The following CPNE8 variants were observed in gnomAD, a reference collection of about 807,000 sequenced individuals.
CPNE8 encodes the protein copine-8.
In CPNE8, 45 loss-of-function variants were observed where a neutral mutation model predicts 81.5. That is an observed-to-expected ratio of 0.55 (90% CI 0.44 to 0.71). CPNE8 has a LOEUF of 0.71. CPNE8 is among the 30% of genes least tolerant of loss of function. The pLI, the probability that CPNE8 is intolerant of heterozygous loss-of-function variation, is 0.00. For missense variants in CPNE8, 594 were observed against 672.1 expected (o/e 0.88, Z 1.28); for synonymous variants, 252 against 226.3 (o/e 1.11, Z -1.02).
intron 3 of CPNE8, among the ~76,000 whole-genome samples, chr12:38,856,716 A>G (rs989851773): frequency 6.6e-6 from 1 of 151,596 alleles, no homozygotes; most frequent in African/African-American, 2.4e-5. Flanking sequence ...AATAGGCTGG[A>G]CATTGTTCTG....
chr12:38,709,638 C>A (rs1307648484), intron 13 of CPNE8, among the ~76,000 whole-genome samples: 1 of 152,110 alleles, frequency 6.6e-6, no homozygotes, highest in Non-Finnish European at 1.5e-5. Context: ...ATTATTGATA[C>A]TAGTTTTTCA....
At chr12:38,793,037 C>A (rs769521689) in intron 6 of CPNE8, among the ~76,000 whole-genome samples, 118 of 151,754 alleles carry the variant, frequency 7.8e-4, no homozygotes, top group Middle Eastern at 3.4e-3. Context: ...TTCCAGTAGC[C>A]TTTTATGATA....
At chr12:38,667,680 C>A (rs1255829807) in intron 19 of CPNE8, among the ~76,000 whole-genome samples, 1 of 152,182 alleles carries the variant, frequency 6.6e-6, no homozygotes, top group Non-Finnish European at 1.5e-5. Flanking sequence ...CTCTTCAGTT[C>A]AACTTTACAT....
chr12:38,764,851 T>C (rs1309470703), intron 8 of CPNE8, among the ~76,000 whole-genome samples: 1 of 151,808 alleles, frequency 6.6e-6, no homozygotes, highest in East Asian at 1.9e-4. Context: ...GATATCTAGA[T>C]AGATGACAGG....
chr12:38,839,066 G>A (rs1943427904), intron 5 of CPNE8, among the ~76,000 whole-genome samples: 1 of 152,044 alleles, frequency 6.6e-6, no homozygotes, highest in South Asian at 2.1e-4. Context: ...TCCTAACTCT[G>A]ACACAACTGC....
intron 16 of CPNE8, among the ~76,000 whole-genome samples, chr12:38,685,167 T>C (rs1939505424): frequency 6.6e-6 from 1 of 152,238 alleles, no homozygotes; most frequent in Non-Finnish European, 1.5e-5. Context: ...ATAAGAATGA[T>C]TTACACAGTT....
At chr12:38,657,319 G>T (rs1295859861) in intron 19 of CPNE8, among the ~76,000 whole-genome samples, 1 of 152,232 alleles carries the variant, frequency 6.6e-6, no homozygotes, top group South Asian at 2.1e-4. Context: ...GCAGCCTGGT[G>T]GGGGGAGGGG....
rs141184823 is a variant in CPNE8 at position 38,776,649 on chromosome 12, C to T, written c.408-348G>A. 1.9e-4 allele frequency among the ~76,000 whole-genome samples: 29 copies of T among 151,974 alleles called. No individual in the cohort carries two copies. In the East Asian group the frequency reaches 4.4e-3, roughly 23 times the overall value. ...ACTTTCAACATAACTTTAAACATGT[C>T]GATCCTCTCCTCAAGAATCTTCAAT... On this transcript the variant is annotated intron_variant, in intron 6 of 19. Coordinates refer to ENST00000331366, the MANE Select transcript of CPNE8 (RefSeq NM_153634.3).
chr12:38,675,635 A>G, intron 18 of CPNE8, 82 bp downstream of exon 18: 2 of 887,546 alleles, frequency 2.3e-6, no homozygotes, highest in Non-Finnish European at 3.7e-6. Context: ...TTCTAAAGAG[A>G]CAAGAATGGC....
intron 3 of CPNE8, among the ~76,000 whole-genome samples, chr12:38,860,750 G>A (rs1943819181): frequency 6.6e-6 from 1 of 152,046 alleles, no homozygotes; most frequent in South Asian, 2.1e-4. Flanking sequence ...AGACACAGAA[G>A]GACAGATACT....
intron 3 of CPNE8, among the ~76,000 whole-genome samples, chr12:38,855,284 T>C (rs1049717909): frequency 4.6e-5 from 7 of 151,948 alleles, no homozygotes; most frequent in Admixed American, 2.0e-4. Context: ...GGACTGAAAA[T>C]TGAATATAGC....
At chr12:38,840,289 G>A (rs1943447033) in intron 4 of CPNE8, among the ~76,000 whole-genome samples, 1 of 152,072 alleles carries the variant, frequency 6.6e-6, no homozygotes, top group African/African-American at 2.4e-5. Flanking sequence ...TCCCAGTACT[G>A]TGCAACTTAC....
intron 5 of CPNE8, among the ~76,000 whole-genome samples, chr12:38,830,376 C>T (rs1374368808): frequency 6.6e-6 from 1 of 152,094 alleles, no homozygotes; most frequent in Admixed American, 6.6e-5. Context: ...CCAAGACAAA[C>T]TCTGATGTTC....
chr12:38,762,299 C>T (rs1941590093), intron 8 of CPNE8, 83 bp from the exon 9 acceptor site: 4 of 679,064 alleles, frequency 5.9e-6, no homozygotes, highest in South Asian at 5.5e-5. Flanking sequence ...CCTCTGCTTA[C>T]TTTTTGTTCA....
chr12:38,787,972 GAAAAA>G (rs35455026), intron 6 of CPNE8, among the ~76,000 whole-genome samples: 1 of 93,822 alleles, frequency 1.1e-5, no homozygotes, highest in Admixed American at 1.2e-4. Context: ...AAGTCTCCCA[GAAAAA>G]AAAAAAAAAA....
chr12:38,878,677 C>T (rs991971191), intron 1 of CPNE8, among the ~76,000 whole-genome samples: 18 of 152,128 alleles, frequency 1.2e-4, no homozygotes, highest in African/African-American at 4.3e-4. Flanking sequence ...ATTCTGAGAC[C>T]CACACTGAAC....
At chr12:38,842,699 CAG>C (rs1943493037) in intron 4 of CPNE8, among the ~76,000 whole-genome samples, 1 of 151,494 alleles carries the variant, frequency 6.6e-6, no homozygotes, top group African/African-American at 2.4e-5. Flanking sequence ...CCTCAGCCTC[CAG>C]AGTCACTGGG....
intron 3 of CPNE8, among the ~76,000 whole-genome samples, chr12:38,851,004 C>T (rs78071188): frequency 0.055 from 8,421 of 152,274 alleles, 762 homozygotes; most frequent in African/African-American, 0.19. Context: ...ATGAAAGAGG[C>T]TTCATACAGC....
intron 1 of CPNE8, among the ~76,000 whole-genome samples, chr12:38,879,558 A>T (rs2137118441): frequency 6.6e-6 from 1 of 152,262 alleles, no homozygotes; most frequent in South Asian, 2.1e-4. Flanking sequence ...GCAAAACATG[A>T]TGTATTTAAA....
Sources: allele counts gnomAD v4.1 joint callset (sites outside exome capture counted in the v4.1 genomes callset), GRCh38; gene constraint gnomAD v4.1.1; transcripts MANE v1.5; gene names NCBI Gene and HGNC (gene_info 2026-07-23, HGNC 2026-07-21).